The following KAT7 variants were observed in gnomAD, a reference collection of about 807,000 sequenced individuals.
The protein encoded by KAT7 is lysine acetyltransferase 7.
KAT7 carries 10 observed loss-of-function variants against 82.1 expected under a neutral mutation model. That is an observed-to-expected ratio of 0.12 (90% CI 0.08 to 0.21). The LOEUF (loss-of-function observed/expected upper bound fraction) is 0.21, where lower values mean the gene tolerates loss of function less well. Ranked by LOEUF, KAT7 falls within the 10% of genes least tolerant of loss-of-function variation. The pLI is 1.00. For missense variants in KAT7, 378 were observed against 760.9 expected (o/e 0.50, Z 5.92); for synonymous variants, 250 against 262.5 (o/e 0.95, Z 0.46).
chr17:49,791,119 G>A (rs528572515), intron 1 of KAT7, among the ~76,000 whole-genome samples: 8 of 152,284 alleles, frequency 5.3e-5, no homozygotes, highest in Admixed American at 1.3e-4. Flanking sequence ...GATGGCATAC[G>A]CACTAACAAT....
At chr17:49,810,773 A>G (rs1020503400) in intron 6 of KAT7, among the ~76,000 whole-genome samples, 16 of 152,124 alleles carry the variant, frequency 1.1e-4, no homozygotes, top group African/African-American at 3.6e-4. Flanking sequence ...TCCTGAACCT[A>G]TATTTAACTG....
intron 10 of KAT7, 57 bp from the exon 11 acceptor site, chr17:49,821,593 C>A: frequency 6.3e-7 from 1 of 1,593,922 alleles, no homozygotes; most frequent in Non-Finnish European, 8.6e-7. Flanking sequence ...GAATTTTAGG[C>A]CTTTATCTGT....
intron 9 of KAT7, among the ~76,000 whole-genome samples, chr17:49,818,581 T>A (rs1033970579): frequency 6.6e-6 from 1 of 152,086 alleles, no homozygotes; most frequent in Non-Finnish European, 1.5e-5. Context: ...TGTTGACAAA[T>A]AGGTTTACTA....
At chr17:49,825,317 C>T (rs552309137) in intron 12 of KAT7, among the ~76,000 whole-genome samples, 3 of 152,274 alleles carry the variant, frequency 2.0e-5, no homozygotes, top group African/African-American at 7.2e-5. Context: ...TCTGTTCTTA[C>T]CATTCAAAGA....
At chr17:49,793,558 G>T (rs2073915897) in intron 2 of KAT7, among the ~76,000 whole-genome samples, 1 of 150,302 alleles carries the variant, frequency 6.7e-6, no homozygotes, top group Non-Finnish European at 1.5e-5. Context: ...CACTTCAACA[G>T]TGTTGCTTTG....
At position 49,805,440 on chromosome 17, in the gene KAT7, T is replaced by C; in HGVS notation, c.658T>C (p.Cys220Arg). ...PLYHNLSADE[C>R]KVRAQSRDKQ... ...GTATCATAACCTCTCAGCTGACGAA[T>C]GCAAGGTAATTGTGCTCTCATTTAT... is the stretch of plus-strand genomic sequence containing the variant. Residue 220 changes from cysteine (C) to arginine (R), a missense_variant, in exon 5 of 15, where the codon TGC becomes CGC. Cys to Arg is a radical substitution (Grantham distance 180, BLOSUM62 -3). Coordinates refer to ENST00000259021, the MANE Select transcript of KAT7 (RefSeq NM_007067.5). The C allele has an allele frequency of 6.2e-7, 1 of 1,607,126 alleles. No homozygotes were observed. Among genetic ancestry groups the C allele is most frequent in the Non-Finnish European group, 8.5e-7 (1 of 1,173,712 alleles).
At position 49,821,264 on chromosome 17, in the gene KAT7, T is replaced by C. The variant is rs943356124; in HGVS notation, c.1156-73T>C. ...TCAGTTAACCACATTTGACCTGTCA[T>C]TCCTTTTCCCTTTTGAGGAGCAGTC... On this transcript the variant is annotated intron_variant, in intron 9 of 14. Coordinates refer to ENST00000259021, the MANE Select transcript of KAT7 (RefSeq NM_007067.5). 35 of 1,127,798 alleles carry C rather than the reference T, an allele frequency of 3.1e-5. No individual in the cohort carries two copies. In the Middle Eastern group the frequency reaches 9.9e-4, roughly 32 times the overall value. 69.9% of individuals were successfully genotyped at this position (1,127,798 alleles called of 1,614,324 possible).
chr17:49,790,347 C>G (rs1008268133), intron 1 of KAT7, among the ~76,000 whole-genome samples: 1 of 152,152 alleles, frequency 6.6e-6, no homozygotes, highest in East Asian at 1.9e-4. Context: ...CAGGCGGATT[C>G]CATGACGCCC....
At chr17:49,797,081 T>C (rs2073966218) in intron 3 of KAT7, among the ~76,000 whole-genome samples, 155 bp downstream of exon 3, 1 of 151,724 alleles carries the variant, frequency 6.6e-6, no homozygotes, top group African/African-American at 2.4e-5. Flanking sequence ...TTTTTTTTTT[T>C]GAGACGGAGT....
chr17:49,810,481 T>A (rs1006589922), intron 6 of KAT7, among the ~76,000 whole-genome samples: 1 of 152,220 alleles, frequency 6.6e-6, no homozygotes, highest in Non-Finnish European at 1.5e-5. Context: ...GGTCTTAAAC[T>A]CCTGACCTCC....
intron 9 of KAT7, 45 bp from the exon 10 acceptor site, chr17:49,821,292 G>T (rs778339270): frequency 1.6e-5 from 23 of 1,444,220 alleles, no homozygotes; most frequent in Non-Finnish European, 2.2e-5. Flanking sequence ...GAGCAGTCTT[G>T]TTGGGAGGCT....
Position 49,788,726 on chromosome 17 carries a change from C to G in KAT7, c.-109C>G. 2 of 1,236,962 alleles carry G rather than the reference C, an allele frequency of 1.6e-6. No homozygotes were observed. Among genetic ancestry groups the G allele is most frequent in the Non-Finnish European group, 1.1e-6 (1 of 900,742 alleles). The allele number at this position is 1,236,962 out of a possible 1,614,324, so 76.6% of individuals were successfully genotyped here. A position where few individuals can be genotyped will look rare whatever the true frequency, so the allele number is the denominator to read the frequency against. On this transcript the variant is annotated 5_prime_UTR_variant, in exon 1 of 15. Coordinates refer to ENST00000259021, the MANE Select transcript of KAT7 (RefSeq NM_007067.5). ...AGAGGCAGGAGGCACTAGGGATCGT[C>G]CGCAGGATTGGGACTGATACAGAGG...
At chr17:49,796,685 A>T in intron 2 of KAT7, 65 bp from the exon 3 acceptor site, 2 of 1,297,042 alleles carry the variant, frequency 1.5e-6, no homozygotes, top group East Asian at 2.3e-5. Flanking sequence ...CTGATAAATT[A>T]TATGGATAGG....
chr17:49,795,048 TGA>T (rs903074087), intron 2 of KAT7, among the ~76,000 whole-genome samples: 1 of 151,572 alleles, frequency 6.6e-6, no homozygotes. Context: ...GGTGCAGCCG[TGA>T]GAGAGTGAGG....
chr17:49,791,996 C>G lies in KAT7; in HGVS notation c.126C>G (p.Val42=), dbSNP rs781259225. 4 of 1,613,998 alleles carry G rather than the reference C, an allele frequency of 2.5e-6. 1 individual carries two copies. In the South Asian group the frequency reaches 4.4e-5, roughly 18 times the overall value. Residue 42 remains valine (V), a synonymous_variant, in exon 2 of 15, where the codon GTC becomes GTG. Coordinates refer to ENST00000259021, the MANE Select transcript of KAT7 (RefSeq NM_007067.5). ...SDGTSRRSAR[V]TRSSARLSQS... ...GCACATCCCGACGATCTGCTCGAGT[C>G]ACCCGCTCCTCAGCCAGGCTAAGCC...
intron 6 of KAT7, among the ~76,000 whole-genome samples, chr17:49,810,754 A>G (rs2074152483): frequency 6.6e-6 from 1 of 152,186 alleles, no homozygotes; most frequent in Non-Finnish European, 1.5e-5. Context: ...TAGTAAAATA[A>G]GTTTGTATTC....
chr17:49,806,060 C>T (rs894944015), intron 5 of KAT7, among the ~76,000 whole-genome samples: 8 of 151,982 alleles, frequency 5.3e-5, no homozygotes, highest in Admixed American at 2.6e-4. Flanking sequence ...AGGATGGAAC[C>T]GAAGATCTAA....
chr17:49,798,967 T>A (rs2073990242), intron 4 of KAT7, among the ~76,000 whole-genome samples: 1 of 152,248 alleles, frequency 6.6e-6, no homozygotes, highest in South Asian at 2.1e-4. Flanking sequence ...GAAAAACATT[T>A]CCTGTCAAGA....
At chr17:49,820,254 A>AAC (rs1282562980) in intron 9 of KAT7, among the ~76,000 whole-genome samples, 1 of 151,518 alleles carries the variant, frequency 6.6e-6, no homozygotes, top group African/African-American at 2.4e-5. Flanking sequence ...AAAAAAAAAA[A>AAC]CTTTTTTTTA....
Sources: allele counts gnomAD v4.1 joint callset (sites outside exome capture counted in the v4.1 genomes callset), GRCh38; gene constraint gnomAD v4.1.1; transcripts MANE v1.5; gene names NCBI Gene and HGNC (gene_info 2026-07-23, HGNC 2026-07-21).